Variants in GON4L observed in about 807,000 individuals in gnomAD.
GON4L encodes the protein GON-4-like protein.
In GON4L, 87 loss-of-function variants were observed where a neutral mutation model predicts 211.8. The observed-to-expected ratio is 0.41, with a 90% CI of 0.35 to 0.49. GON4L has a LOEUF of 0.49. GON4L is among the 20% of genes least tolerant of loss of function. GON4L has a pLI of 0.15. For missense variants in GON4L, 2,155 were observed against 2,659.5 expected, an observed-to-expected ratio of 0.81 and a Z score of 4.17; for synonymous variants, 875 against 962.6, an observed-to-expected ratio of 0.91 and a Z score of 1.68.
chr1:155,851,371 A>G lies in GON4L; in HGVS notation c.505+1905T>C, dbSNP rs1671780465. Among the ~76,000 whole-genome samples, 3 of 149,302 alleles carry G rather than the reference A, an allele frequency of 2.0e-5. No individual in the cohort carries two copies. In the Admixed American group the frequency reaches 2.0e-4, roughly 10 times the overall value. On this transcript the variant is annotated intron_variant, in intron 2 of 31. Transcript: ENST00000368331. ...TACGTCTCAAAAAAAAAAAATGACT[A>G]TCACCTACCTACAGGAAAAGCTCAA...
At chr1:155,813,934 TAG>T (rs755815376) in intron 9 of GON4L, 130 bp from the exon 10 acceptor site, 1 of 729,314 alleles carries the variant, frequency 1.4e-6, no homozygotes, top group Non-Finnish European at 2.3e-6. Flanking sequence ...CTTCTCTAGT[TAG>T]AGTTACATAA....
At position 155,821,561 on chromosome 1, in the gene GON4L, G is replaced by C. The variant is rs758915771; in HGVS notation, c.889-13C>G. On this transcript the variant is annotated splice_polypyrimidine_tract_variant and intron_variant, in intron 4 of 31. Coordinates refer to ENST00000368331, the MANE Select transcript of GON4L (RefSeq NM_001282860.2). ...TTGTGATTACTTCCTGGAGAAAGAT[G>C]AAATTTCACTTTATGCAACAAGGGT... is the stretch of plus-strand genomic sequence containing the variant. 5.9e-6 allele frequency: 9 copies of C among 1,535,650 alleles called. No individual in the cohort carries two copies. In the African/African-American group the frequency reaches 1.1e-4, roughly 19 times the overall value.
intron 2 of GON4L, among the ~76,000 whole-genome samples, chr1:155,833,753 G>GAGGAGGAA (rs1435268838): frequency 8.0e-6 from 1 of 125,702 alleles, no homozygotes. Flanking sequence ...GAGAGGAGGA[G>GAGGAGGAA]GGGAGGAAGG....
In GON4L at chr1:155,814,312, T is replaced by G; in HGVS notation, c.1281+18A>C. The G allele has an allele frequency of 6.2e-7, 1 of 1,608,378 alleles. No individual in the cohort carries two copies. The highest frequency in any genetic ancestry group is 8.5e-7 in the Non-Finnish European group (1 of 1,175,572). ...AGACAGTTATGTCTAACATCTCTTT[T>G]GTATGATGCCGATTTACCTCTGATA... On this transcript the variant is annotated intron_variant, in intron 9 of 31. Coordinates refer to ENST00000368331, the MANE Select transcript of GON4L (RefSeq NM_001282860.2).
At chr1:155,834,627 A>T (rs1040117968) in intron 2 of GON4L, among the ~76,000 whole-genome samples, 14 of 152,224 alleles carry the variant, frequency 9.2e-5, no homozygotes, top group African/African-American at 3.4e-4. Flanking sequence ...ACCAGCTAAA[A>T]GCAAGATGGT....
intron 10 of GON4L, among the ~76,000 whole-genome samples, chr1:155,806,574 G>T (rs1361497832): frequency 6.6e-6 from 1 of 152,074 alleles, no homozygotes; most frequent in Non-Finnish European, 1.5e-5. Flanking sequence ...TGGGATTAAA[G>T]GCATGGTGGT....
In GON4L at chr1:155,814,385, A is replaced by G; in HGVS notation, c.1226T>C (p.Leu409Ser). The change falls in exon 9 of 32, where the codon TTG (leucine) becomes TCG (serine). Residue 409 changes from leucine to serine, a missense_variant. Around this residue, in one of 6 missense-constraint regions of GON4L, gnomAD observed 551 missense variants for 854.0 expected, o/e 0.65. Coordinates refer to ENST00000368331, the MANE Select transcript of GON4L (RefSeq NM_001282860.2). ...SSPRGAKKSR[L>S]RQSSEMTETD... ...TTCAGTCATCTCAGAAGACTGCCTC[A>G]ATCTGGATTTCTTTGCCCCACGTGG... 1 of 1,613,220 alleles carries G rather than the reference A, an allele frequency of 6.2e-7. No individual in the cohort carries two copies. Among genetic ancestry groups the G allele is most frequent in the Non-Finnish European group, 8.5e-7 (1 of 1,179,184 alleles).
At chr1:155,830,747 C>T (rs552044751) in intron 2 of GON4L, among the ~76,000 whole-genome samples, 2 of 152,122 alleles carry the variant, frequency 1.3e-5, no homozygotes, top group Admixed American at 6.6e-5. Flanking sequence ...CCACCATGCC[C>T]AGCTAATTTT....
chr1:155,785,951 C>A (rs995217562), intron 12 of GON4L, among the ~76,000 whole-genome samples: 2 of 152,068 alleles, frequency 1.3e-5, no homozygotes, highest in African/African-American at 4.8e-5. Flanking sequence ...AAAAAATTAG[C>A]CAGCCGTGGT....
At chr1:155,767,328 C>T in intron 20 of GON4L, 97 bp downstream of exon 20, 1 of 1,612,900 alleles carries the variant, frequency 6.2e-7, no homozygotes, top group Admixed American at 1.7e-5. Context: ...CCTAGTTCTA[C>T]AACTAAAGCA....
chr1:155,752,525 G>A lies in GON4L; in HGVS notation c.5908C>T (p.Leu1970=). 3 of 1,599,938 alleles carry A rather than the reference G, an allele frequency of 1.9e-6. No individual in the cohort carries two copies. Among genetic ancestry groups the A allele is most frequent in the Admixed American group, 3.5e-5 (2 of 56,820 alleles). ...REVTVTERLL[L]DGPPPHSPET... ...GGTGAATGAGGTGGTGGGCCATCCA[G>A]GAGGAGCCGTTCTGTAACAGTCACT... Residue 1970 remains leucine (L), a synonymous_variant, in exon 30 of 32, where the codon CTG becomes TTG. Coordinates refer to ENST00000368331, the MANE Select transcript of GON4L (RefSeq NM_001282860.2).
intron 11 of GON4L, among the ~76,000 whole-genome samples, chr1:155,796,334 G>A (rs1666065511): frequency 6.7e-6 from 1 of 150,170 alleles, no homozygotes; most frequent in Non-Finnish European, 1.5e-5. Context: ...TTGGAGTGCA[G>A]TGGCATGATC....
At chr1:155,774,969 T>C (rs1201481085) in intron 17 of GON4L, 33 bp downstream of exon 17, 4 of 1,604,376 alleles carry the variant, frequency 2.5e-6, no homozygotes, top group Non-Finnish European at 3.4e-6. Context: ...TCACCGCAAG[T>C]AAAAACTTAA....
At chr1:155,783,859 C>T in intron 14 of GON4L, 127 bp downstream of exon 14, 1 of 1,530,412 alleles carries the variant, frequency 6.5e-7, no homozygotes, top group Non-Finnish European at 8.9e-7. Context: ...CCTGACAGGG[C>T]TCTGCATCCT....
intron 11 of GON4L, among the ~76,000 whole-genome samples, chr1:155,797,457 CTT>C (rs113199922): frequency 6.9e-6 from 1 of 145,382 alleles, no homozygotes; most frequent in African/African-American, 2.5e-5. Context: ...AAATGAGCAT[CTT>C]TTTTTTTTTT....
chr1:155,816,575 GACA>G (rs1233539799), intron 6 of GON4L, among the ~76,000 whole-genome samples: 4 of 152,138 alleles, frequency 2.6e-5, no homozygotes, highest in East Asian at 1.9e-4. Context: ...CAACAGATGT[GACA>G]ACTATTTATA....
intron 2 of GON4L, chr1:155,846,322 A>C (rs921726301): frequency 2.6e-5 from 4 of 153,398 alleles, no homozygotes. Context: ...GGAGATCGAG[A>C]CCAGCCTGTC....
At chr1:155,824,871 C>G (rs1204960490) in intron 3 of GON4L, among the ~76,000 whole-genome samples, 1 of 150,652 alleles carries the variant, frequency 6.6e-6, no homozygotes, top group African/African-American at 2.4e-5. Flanking sequence ...GTAAAGCAAA[C>G]CAGGTGAGGA....
intron 10 of GON4L, among the ~76,000 whole-genome samples, chr1:155,807,718 A>G (rs942046196): frequency 1.3e-5 from 2 of 150,230 alleles, no homozygotes; most frequent in African/African-American, 4.9e-5. Context: ...AAAAAAAAAA[A>G]AAAAAAAGAA....
Sources: allele counts gnomAD v4.1 joint callset (sites outside exome capture counted in the v4.1 genomes callset), GRCh38; gene constraint gnomAD v4.1.1; regional missense constraint gnomAD v4.1.1; transcripts MANE v1.5; gene names NCBI Gene and HGNC (gene_info 2026-07-23, HGNC 2026-07-21).